The following HIVEP3 variants were observed in gnomAD, a reference collection of about 807,000 sequenced individuals.
The protein encoded by HIVEP3 is HIVEP zinc finger 3.
In HIVEP3, 49 loss-of-function variants were observed where a neutral mutation model predicts 152.8. That is an observed-to-expected ratio of 0.32 (90% confidence interval 0.26 to 0.41). The LOEUF is 0.41. HIVEP3 is among the 10% of genes least tolerant of loss of function. The pLI, the probability that HIVEP3 is intolerant of heterozygous loss-of-function variation, is 1.00. For synonymous variants in HIVEP3, 1,269 were observed against 1,289.0 expected (o/e 0.98, Z 0.33); for missense variants, 2,790 against 3,103.3 (o/e 0.90, Z 2.40).
intron 1 of HIVEP3, among the ~76,000 whole-genome samples, chr1:41,929,726 TTATATA>T (rs55663663): frequency 1.8e-5 from 2 of 112,810 alleles, no homozygotes; most frequent in Non-Finnish European, 3.4e-5. Flanking sequence ...ATATGTGTTT[TTATATA>T]TATATATATA....
At position 41,516,318 on chromosome 1, in the gene HIVEP3, G is replaced by C. The variant is rs568392781; in HGVS notation, c.5470+2084C>G. ...CCAGCACCATGGGCAGGGCCGGGGC[G>C]CCTGGCTCCTTCCAGGCAGTTCTCC... On this transcript the variant is annotated intron_variant, in intron 7 of 8. Coordinates refer to ENST00000372583, the MANE Select transcript of HIVEP3 (RefSeq NM_024503.5). Among the ~76,000 whole-genome samples, 15 of 152,304 alleles carry C rather than the reference G, an allele frequency of 9.8e-5. No homozygotes were observed. In the East Asian group the frequency reaches 2.9e-3, roughly 30 times the overall value.
chr1:41,771,793 T>C (rs1005174591), intron 1 of HIVEP3, among the ~76,000 whole-genome samples: 2 of 152,172 alleles, frequency 1.3e-5, no homozygotes, highest in Admixed American at 6.5e-5. Flanking sequence ...GTCTCCCAAG[T>C]AGCTGGAACT....
chr1:41,530,750 C>T (rs565610171), intron 5 of HIVEP3, among the ~76,000 whole-genome samples: 1 of 152,350 alleles, frequency 6.6e-6, no homozygotes, highest in African/African-American at 2.4e-5. Flanking sequence ...AACCTAGAAG[C>T]AGGTGCCAGG....
chr1:41,673,271 G>T (rs1052951314), intron 2 of HIVEP3, among the ~76,000 whole-genome samples: 2 of 152,376 alleles, frequency 1.3e-5, no homozygotes, highest in African/African-American at 4.8e-5. Context: ...GAGGCCAGAT[G>T]GGTGGTCTCA....
intron 1 of HIVEP3, chr1:41,848,352 C>G (rs1290341273): frequency 1.3e-5 from 2 of 152,220 alleles, no homozygotes; most frequent in African/African-American, 4.8e-5. Flanking sequence ...TTTGCAGTTA[C>G]AAAATGAGAA....
intron 2 of HIVEP3, among the ~76,000 whole-genome samples, chr1:41,643,095 C>A (rs983945155): frequency 6.6e-6 from 1 of 152,206 alleles, no homozygotes; most frequent in African/African-American, 2.4e-5. Context: ...ATCCTTGCCT[C>A]CTCCCTGGTC....
intron 2 of HIVEP3, among the ~76,000 whole-genome samples, chr1:41,661,008 T>G (rs1191906873): frequency 1.3e-5 from 2 of 152,196 alleles, no homozygotes; most frequent in Non-Finnish European, 2.9e-5. Flanking sequence ...AGCAGAGCCA[T>G]GACAACTACC....
At chr1:41,752,950 C>A (rs935049738) in intron 1 of HIVEP3, among the ~76,000 whole-genome samples, 1 of 152,236 alleles carries the variant, frequency 6.6e-6, no homozygotes, top group African/African-American at 2.4e-5. Flanking sequence ...AGCCTGGCTG[C>A]TGCTCCACTG....
At chr1:41,620,469 C>T (rs1027058952) in intron 3 of HIVEP3, among the ~76,000 whole-genome samples, 4 of 152,146 alleles carry the variant, frequency 2.6e-5, no homozygotes, top group African/African-American at 9.7e-5. Flanking sequence ...CCTGTCTGAG[C>T]ACTTCTCTGA....
chr1:41,810,063 T>C (rs1650861821), intron 1 of HIVEP3, among the ~76,000 whole-genome samples: 2 of 152,144 alleles, frequency 1.3e-5, no homozygotes, highest in African/African-American at 4.8e-5. Flanking sequence ...TAAAACTTAA[T>C]CAGGCTCCAG....
intron 1 of HIVEP3, among the ~76,000 whole-genome samples, chr1:41,802,191 C>T (rs1388504134): frequency 1.3e-5 from 2 of 152,188 alleles, no homozygotes; most frequent in African/African-American, 4.8e-5. Flanking sequence ...TCAGCTACTA[C>T]CTAGCTTTGG....
At chr1:41,944,419 G>C (rs982617757) in intron 1 of HIVEP3, among the ~76,000 whole-genome samples, 2 of 152,134 alleles carry the variant, frequency 1.3e-5, no homozygotes, top group Non-Finnish European at 2.9e-5. Flanking sequence ...GGATCACCTA[G>C]GGAAGAGACG....
In HIVEP3 at chr1:41,580,038, G is replaced by A. The variant is rs148285753; in HGVS notation, c.4760C>T (p.Thr1587Met). ...SSRPAKSQEG[T>M]DSKKVLQFPS... Reference sequence around the variant, plus strand: ...GAACTGCAGTACCTTCTTTGAGTCCGTACCTTCTTGTGACTTGGCTGGTCT... The same window carrying A: ...GAACTGCAGTACCTTCTTTGAGTCCATACCTTCTTGTGACTTGGCTGGTCT... Residue 1587 changes from threonine to methionine, a missense_variant, in exon 4 of 9, where the codon ACG (threonine) becomes ATG (methionine). Around this residue, in one of 9 missense-constraint regions of HIVEP3, gnomAD observed 1,078 missense variants for 1,165.3 expected, o/e 0.93. Coordinates refer to ENST00000372583, the MANE Select transcript of HIVEP3 (RefSeq NM_024503.5). The A allele has an allele frequency of 1.4e-4, 221 of 1,614,168 alleles. No homozygotes were observed. In the African/African-American group the frequency reaches 1.5e-3, roughly 11 times the overall value.
At chr1:41,618,008 C>T (rs1644993437) in intron 3 of HIVEP3, among the ~76,000 whole-genome samples, 1 of 152,212 alleles carries the variant, frequency 6.6e-6, no homozygotes, top group Admixed American at 6.5e-5. Flanking sequence ...GTGCATTTCC[C>T]CAGCTCTCTC....
At chr1:41,989,042 A>C (rs992695141) in intron 1 of HIVEP3, among the ~76,000 whole-genome samples, 18 of 152,226 alleles carry the variant, frequency 1.2e-4, no homozygotes, top group African/African-American at 4.3e-4. Flanking sequence ...GAGAATAAAA[A>C]TGGTGGTCCC....
chr1:41,568,654 T>C (rs1327153249), intron 5 of HIVEP3, among the ~76,000 whole-genome samples: 1 of 152,218 alleles, frequency 6.6e-6, no homozygotes, highest in African/African-American at 2.4e-5. Flanking sequence ...ATGGGCAGAT[T>C]CTAGATACGG....
intron 3 of HIVEP3, among the ~76,000 whole-genome samples, chr1:41,618,597 G>A (rs72953354): frequency 1.6e-4 from 24 of 152,160 alleles, no homozygotes; most frequent in African/African-American, 4.6e-4. Context: ...TTTCCCTTTC[G>A]GTGGTGTCTG....
intron 1 of HIVEP3, among the ~76,000 whole-genome samples, chr1:41,816,523 C>T (rs891038105): frequency 6.6e-6 from 1 of 151,982 alleles, no homozygotes; most frequent in Admixed American, 6.6e-5. Context: ...CCCATCTCTA[C>T]CAAAAATACA....
intron 1 of HIVEP3, among the ~76,000 whole-genome samples, chr1:42,028,835 T>C (rs1365212589): frequency 2.0e-5 from 3 of 152,152 alleles, no homozygotes; most frequent in Admixed American, 1.3e-4. Context: ...GTAAGATAAA[T>C]GGGTGAAGAG....
Sources: gnomAD v4.1 joint callset for allele counts (sites outside exome capture counted in the v4.1 genomes callset) on GRCh38, gnomAD v4.1.1 for gene constraint, gnomAD v4.1.1 regional missense constraint, MANE v1.5 for transcripts, NCBI Gene and HGNC (gene_info 2026-07-23, HGNC 2026-07-21) for gene names.